The following DMC1 variants were observed in gnomAD, a reference collection of about 807,000 sequenced individuals.
DMC1 encodes the protein DNA meiotic recombinase 1, also known as meiotic recombination protein DMC1 homolog.
Under a neutral mutation model 50.1 loss-of-function variants are expected in DMC1, and 27 were observed. The observed-to-expected ratio is 0.54, with a 90% confidence interval of 0.40 to 0.74. The LOEUF is 0.74. Ranked by LOEUF, DMC1 falls within the 30% of genes least tolerant of loss-of-function variation. The probability of loss-of-function intolerance (pLI) is 0.00; values close to 1 mark genes in which losing one functional copy is unlikely to be tolerated. For missense variants in DMC1, 295 were observed against 420.2 expected, an observed-to-expected ratio of 0.70 and a Z score of 2.60; for synonymous variants, 148 against 136.1, an observed-to-expected ratio of 1.09 and a Z score of -0.61.
At chr22:38,510,065 A>C in the DMC1 span, among the ~76,000 whole-genome samples, 1 of 151,934 alleles carries the variant, frequency 6.6e-6, no homozygotes, top group Admixed American at 6.6e-5. Flanking sequence ...ATACAAAAAA[A>C]TTAGCTGGGC....
At chr22:38,538,224 T>C (rs539241325) in intron 11 of DMC1, 71 bp downstream of exon 11, 50 of 1,281,744 alleles carry the variant, frequency 3.9e-5, no homozygotes, top group Admixed American at 2.5e-4. Flanking sequence ...CCTGACATTA[T>C]ATTCCAAGCT....
At chr22:38,563,450 G>C (rs554734369) in intron 4 of DMC1, among the ~76,000 whole-genome samples, 6 of 152,226 alleles carry the variant, frequency 3.9e-5, no homozygotes, top group African/African-American at 1.4e-4. Context: ...GCCACACCAG[G>C]TGATTCTGAT....
chr22:38,566,814 G>T, intron 3 of DMC1, 78 bp from the exon 4 acceptor site: 2 of 1,455,982 alleles, frequency 1.4e-6, no homozygotes, highest in Non-Finnish European at 9.6e-7. Context: ...ATGTGTTTCT[G>T]TGTCCATCTC....
At chr22:38,564,133 T>C (rs187573590) in intron 4 of DMC1, among the ~76,000 whole-genome samples, 154 of 152,300 alleles carry the variant, frequency 1.0e-3, no homozygotes, top group Admixed American at 1.7e-3. Flanking sequence ...TGAGCCACTG[T>C]ACTCCAGCCA....
At chr22:38,513,663 C>T in the DMC1 span, among the ~76,000 whole-genome samples, 5 of 152,262 alleles carry the variant, frequency 3.3e-5, no homozygotes, top group Admixed American at 2.0e-4. Context: ...CTGCAACCTC[C>T]GACTATCCGG....
At chr22:38,556,793 A>C (rs943566893) in intron 5 of DMC1, among the ~76,000 whole-genome samples, 2 of 152,228 alleles carry the variant, frequency 1.3e-5, no homozygotes, top group Non-Finnish European at 2.9e-5. Flanking sequence ...AATTTAAGAT[A>C]TATAGATAAT....
At chr22:38,522,950 G>A (rs1276770576) in intron 12 of DMC1, among the ~76,000 whole-genome samples, 1 of 152,184 alleles carries the variant, frequency 6.6e-6, no homozygotes, top group East Asian at 1.9e-4. Flanking sequence ...ATAGGATTAA[G>A]ATTCAGTAGA....
intron 8 of DMC1, among the ~76,000 whole-genome samples, chr22:38,543,390 C>T (rs576513748): frequency 3.9e-4 from 60 of 152,134 alleles, no homozygotes; most frequent in Admixed American, 1.3e-3. Context: ...CCACCATGCC[C>T]GGCTAATTTT....
chr22:38,559,748 C>T (rs2090506066), intron 5 of DMC1, among the ~76,000 whole-genome samples: 2 of 152,092 alleles, frequency 1.3e-5, no homozygotes, highest in African/African-American at 4.8e-5. Context: ...GGCCAGGCGC[C>T]GGTAGCTCAC....
At chr22:38,564,313 CTTTTT>C (rs984764794) in intron 4 of DMC1, among the ~76,000 whole-genome samples, 3 of 151,364 alleles carry the variant, frequency 2.0e-5, no homozygotes, top group Non-Finnish European at 4.4e-5. Context: ...CTCTCTCTCT[CTTTTT>C]TTTTCTTTTG....
chr22:38,557,985 C>T (rs544894968), intron 5 of DMC1, among the ~76,000 whole-genome samples: 3 of 57,142 alleles, frequency 5.3e-5, no homozygotes, highest in African/African-American at 2.3e-4. Context: ...TTTTTTGAGA[C>T]GGAGTCTCAC....
At chr22:38,530,398 C>T (rs1165964086) in intron 12 of DMC1, among the ~76,000 whole-genome samples, 2 of 152,050 alleles carry the variant, frequency 1.3e-5, no homozygotes, top group Non-Finnish European at 2.9e-5. Context: ...TCCCCTCTGT[C>T]TTCTCCCAAA....
chr22:38,558,203 C>T (rs145125237), intron 5 of DMC1, among the ~76,000 whole-genome samples: 1,534 of 151,242 alleles, frequency 0.01, 9 homozygotes, highest in Middle Eastern at 0.024. Context: ...CTCAGCCTCC[C>T]AAAGTGTTGG....
intron 4 of DMC1, among the ~76,000 whole-genome samples, chr22:38,563,996 G>A (rs1286232669): frequency 1.3e-5 from 2 of 151,994 alleles, no homozygotes; most frequent in African/African-American, 2.4e-5. Context: ...CACCAGGCCC[G>A]GCCTCCACAA....
At chr22:38,551,811 T>C (rs948084436) in intron 7 of DMC1, among the ~76,000 whole-genome samples, 2 of 151,274 alleles carry the variant, frequency 1.3e-5, no homozygotes, top group Non-Finnish European at 2.9e-5. Context: ...CTACTAACGA[T>C]AGAACCAGGA....
intron 7 of DMC1, among the ~76,000 whole-genome samples, chr22:38,550,238 T>A (rs751925880): frequency 2.6e-4 from 39 of 152,178 alleles, no homozygotes; most frequent in Non-Finnish European, 5.3e-4. Context: ...CAATGGAAGA[T>A]ATTCGTGAAA....
chr22:38,541,079 G>A (rs1339967667), intron 8 of DMC1, among the ~76,000 whole-genome samples: 1 of 152,036 alleles, frequency 6.6e-6, no homozygotes, highest in East Asian at 1.9e-4. Context: ...GGGGCCTGAA[G>A]AAACTCCCTA....
At chr22:38,546,752 T>C (rs1052073376) in intron 8 of DMC1, among the ~76,000 whole-genome samples, 3 of 152,194 alleles carry the variant, frequency 2.0e-5, no homozygotes, top group African/African-American at 7.2e-5. Context: ...GAGCCTTAAA[T>C]GATTTGTATG....
intron 6 of DMC1, 77 bp downstream of exon 6, chr22:38,555,280 A>T (rs1186666597): frequency 2.3e-6 from 2 of 879,486 alleles, no homozygotes; most frequent in Non-Finnish European, 3.7e-6. Context: ...ATTTAATTAT[A>T]TGTGTATGTA....
Sources: gnomAD v4.1 joint callset for allele counts (sites outside exome capture counted in the v4.1 genomes callset) on GRCh38, gnomAD v4.1.1 for gene constraint, MANE v1.5 for transcripts, NCBI Gene and HGNC (gene_info 2026-07-23, HGNC 2026-07-21) for gene names.